The following DENND2C variants were observed in gnomAD, a reference collection of about 807,000 sequenced individuals.
DENND2C encodes DENN domain containing 2C.
Under a neutral mutation model 112.4 loss-of-function variants are expected in DENND2C, and 72 were observed. The observed-to-expected ratio is 0.64, with a 90% CI of 0.53 to 0.78. The LOEUF (loss-of-function observed/expected upper bound fraction) is 0.78, where lower values mean the gene tolerates loss of function less well. DENND2C is among the 30% of genes least tolerant of loss of function. The pLI is 0.00. For missense variants in DENND2C, 992 were observed against 1,113.8 expected (o/e 0.89, Z 1.56); for synonymous variants, 329 against 381.6 (o/e 0.86, Z 1.61).
chr1:114,597,218 C>T (rs952182283), intron 16 of DENND2C, among the ~76,000 whole-genome samples: 3 of 151,722 alleles, frequency 2.0e-5, no homozygotes, highest in Non-Finnish European at 4.4e-5. Flanking sequence ...CTGAGGCGGG[C>T]GGATCACCTG....
intron 12 of DENND2C, among the ~76,000 whole-genome samples, chr1:114,601,822 A>G (rs1484456981): frequency 6.6e-6 from 1 of 152,200 alleles, no homozygotes; most frequent in African/African-American, 2.4e-5. Flanking sequence ...TGAGTAACTC[A>G]GAGCTCCTTC....
rs374636363 is a variant in DENND2C at position 114,635,026 on chromosome 1, T to TAAAAAAAAAAAAAAAAAAA, written c.-204-8839_-204-8838insTTTTTTTTTTTTTTTTTTT. ...CTGAGTGATAGAGTGAGACTCCGTC[T>TAAAAAAAAAAAAAAAAAAA]AAAAAAAAAAAAAAAAAAGAAAAAA... On this transcript the variant is annotated intron_variant, in intron 3 of 20. Transcript: ENST00000393274. 2.1e-5 allele frequency among the ~76,000 whole-genome samples: 2 copies of TAAAAAAAAAAAAAAAAAAA among 94,716 alleles called. 1 individual carries two copies. Among genetic ancestry groups the TAAAAAAAAAAAAAAAAAAA allele is most frequent in the Non-Finnish European group, 3.9e-5 (2 of 50,652 alleles). The allele number at this position is 94,716 out of a possible 152,430, so 62.1% of individuals were successfully genotyped here. A position where few individuals can be genotyped will look rare whatever the true frequency, so the allele number is the denominator to read the frequency against.
chr1:114,606,595 T>G (rs1037549833), intron 10 of DENND2C, among the ~76,000 whole-genome samples: 3 of 152,198 alleles, frequency 2.0e-5, no homozygotes, highest in African/African-American at 7.2e-5. Context: ...GATAGCATAA[T>G]GCAAAATGAA....
chr1:114,625,308 G>A lies in DENND2C; in HGVS notation c.677C>T (p.Thr226Met), dbSNP rs143833683. ...TFRYLSESGV[T>M]PYKERNCDKK... is the part of the protein sequence containing the mutation. ...GTCACAGTTTCTTTCTTTATACGGC[G>A]TAACACCAGATTCGGATAAATATCT... is the stretch of plus-strand genomic sequence containing the variant. Residue 226 changes from threonine (T) to methionine (M), a missense_variant, in exon 4 of 21, where the codon ACG (threonine) becomes ATG (methionine). Thr to Met is a moderately conservative substitution (Grantham distance 81). Transcript: ENST00000393274. 1.4e-4 allele frequency: 220 copies of A among 1,613,968 alleles called. 1 individual carries two copies. The highest frequency in any genetic ancestry group is 1.7e-4 in the Non-Finnish European group (206 of 1,180,022).
At chr1:114,633,439 C>CAAAAAAAAAA (rs780884019) in intron 3 of DENND2C, among the ~76,000 whole-genome samples, 255 of 48,550 alleles carry the variant, frequency 5.3e-3, no homozygotes, top group African/African-American at 6.6e-3. Context: ...GACCCTATCT[C>CAAAAAAAAAA]AAAAAAAAAA....
At chr1:114,649,767 T>G (rs148688736) in intron 2 of DENND2C, among the ~76,000 whole-genome samples, 8 of 152,250 alleles carry the variant, frequency 5.3e-5, no homozygotes, top group African/African-American at 1.9e-4. Context: ...TACTAAAGTA[T>G]TCAAAGGTTG....
chr1:114,587,946 G>A lies in DENND2C; in HGVS notation c.2438C>T (p.Thr813Ile). 3 of 1,613,622 alleles carry A rather than the reference G, an allele frequency of 1.9e-6. No individual in the cohort carries two copies. In the South Asian group the frequency reaches 3.3e-5, roughly 18 times the overall value. The change falls in exon 19 of 21, where the codon ACA (threonine) becomes ATA (isoleucine). Residue 813 changes from threonine to isoleucine, a missense_variant. This residue lies in a region of DENND2C where 516 missense variants were observed against 623.6 expected (regional missense o/e 0.83). Transcript: ENST00000393274. ...TGCTTCGGACACCAGAGAGTTGAGTGTCACATCTGCTGCAACATGAAAAAG... is the reference window on the plus strand; with the variant it reads ...TGCTTCGGACACCAGAGAGTTGAGTATCACATCTGCTGCAACATGAAAAAG... ...TQEQNFSQDV[T>I]LNSLVSEAFV... is the part of the protein sequence containing the mutation.
chr1:114,608,812 G>C lies in DENND2C; in HGVS notation c.1431C>G (p.Thr477=), dbSNP rs760013964. ...PSSKRNPHYQ[T]LERDLIELQE... is the part of the protein sequence containing the mutation. ...GTAATTCAATAAGATCCCGCTCCAA[G>C]GTCTGGTAGTGAGGATTCCTCTTGG... is the stretch of plus-strand genomic sequence containing the variant. The change falls in exon 10 of 21, where the codon ACC becomes ACG. Residue 477 remains threonine (T), a synonymous_variant. Coordinates refer to ENST00000393274, the MANE Select transcript of DENND2C (RefSeq NM_001256404.2). 1.1e-5 allele frequency: 17 copies of C among 1,614,078 alleles called. No individual in the cohort carries two copies. The highest frequency in any genetic ancestry group is 1.4e-5 in the Non-Finnish European group (16 of 1,180,040).
intron 1 of DENND2C, among the ~76,000 whole-genome samples, chr1:114,657,494 C>T (rs938920314): frequency 6.6e-5 from 10 of 152,066 alleles, no homozygotes; most frequent in Non-Finnish European, 1.5e-4. Flanking sequence ...GGTAGAAGTA[C>T]TATCAATGTG....
At chr1:114,598,979 G>A (rs939249332) in intron 16 of DENND2C, among the ~76,000 whole-genome samples, 39 of 152,088 alleles carry the variant, frequency 2.6e-4, no homozygotes, top group Non-Finnish European at 3.8e-4. Context: ...CACCATGCCC[G>A]GCCTTGAAAT....
rs749618036 is a variant in DENND2C, at chr1:114,582,929, T to C, written c.*2671A>G. On this transcript the variant is annotated 3_prime_UTR_variant, in exon 21 of 21. Transcript: ENST00000393274. Reference sequence around the variant, plus strand: ...AAATCTTGATTCTTTTACAAAAATATCCAGAATTCCTAACACTTTACAGAA... The same window carrying C: ...AAATCTTGATTCTTTTACAAAAATACCCAGAATTCCTAACACTTTACAGAA... 12 of 152,210 alleles carry C rather than the reference T, an allele frequency of 7.9e-5. No homozygotes were observed. The highest frequency in any genetic ancestry group is 1.3e-4 in the Non-Finnish European group (9 of 68,038). The allele number at this position is 152,210 out of a possible 1,614,324, so 9.4% of individuals were successfully genotyped here.
rs777205807 is a variant in DENND2C at position 114,587,877 on chromosome 1, T to G, written c.2507A>C (p.Asn836Thr). ...CTCCCCACGCTCAGTGACAGTCATG[T>G]TCAAAGAATAATGTCCTACCAACTC... is the stretch of plus-strand genomic sequence containing the variant. Reference protein sequence around the residue: ...FVELVGHYSLNMTVTERGERV... With the variant: ...FVELVGHYSLTMTVTERGERV... The change falls in exon 19 of 21, where the codon AAC becomes ACC. Residue 836 changes from asparagine to threonine, a missense_variant. This residue lies in a region of DENND2C where 516 missense variants were observed against 623.6 expected (regional missense o/e 0.83). Coordinates refer to ENST00000393274, the MANE Select transcript of DENND2C (RefSeq NM_001256404.2). The G allele has an allele frequency of 4.3e-6, 7 of 1,614,066 alleles. No homozygotes were observed. Among genetic ancestry groups the G allele is most frequent in the Non-Finnish European group, 5.9e-6 (7 of 1,180,044 alleles).
At chr1:114,643,359 G>A (rs1464598275) in intron 3 of DENND2C, among the ~76,000 whole-genome samples, 1 of 152,142 alleles carries the variant, frequency 6.6e-6, no homozygotes, top group Non-Finnish European at 1.5e-5. Flanking sequence ...TTAATCGAAA[G>A]CCTCAATACA....
intron 17 of DENND2C, among the ~76,000 whole-genome samples, chr1:114,594,877 G>C (rs75153157): frequency 0.011 from 1,663 of 152,248 alleles, 23 homozygotes; most frequent in Middle Eastern, 0.054. Context: ...TTTCAAACAT[G>C]ATGAGCTAAT....
At chr1:114,608,948 C>G in intron 9 of DENND2C, 75 bp from the exon 10 acceptor site, 1 of 1,500,492 alleles carries the variant, frequency 6.7e-7, no homozygotes, top group South Asian at 1.2e-5. Flanking sequence ...GGTCATGACC[C>G]ACATAGGATT....
intron 12 of DENND2C, among the ~76,000 whole-genome samples, 161 bp downstream of exon 12, chr1:114,601,964 A>C (rs973319994): frequency 6.6e-5 from 10 of 152,142 alleles, no homozygotes; most frequent in Non-Finnish European, 7.4e-5. Context: ...TCCATGGTTA[A>C]CCCCCACCTT....
chr1:114,619,556 T>C (rs1027733061), intron 7 of DENND2C, among the ~76,000 whole-genome samples: 5 of 152,164 alleles, frequency 3.3e-5, no homozygotes, highest in Non-Finnish European at 7.3e-5. Context: ...AAGAAACATA[T>C]GCTTCCAAAA....
chr1:114,616,108 G>A (rs937794921), intron 8 of DENND2C, among the ~76,000 whole-genome samples: 45 of 151,648 alleles, frequency 3.0e-4, no homozygotes, highest in African/African-American at 1.1e-3. Context: ...AGAAAATTCT[G>A]GCCAGGTATG....
chr1:114,668,632 A>G (rs988645146), intron 1 of DENND2C, among the ~76,000 whole-genome samples: 1 of 151,936 alleles, frequency 6.6e-6, no homozygotes, highest in African/African-American at 2.4e-5. Context: ...CAGGCCTACA[A>G]GTATCCCCAG....
Sources: allele counts gnomAD v4.1 joint callset (sites outside exome capture counted in the v4.1 genomes callset), GRCh38; gene constraint gnomAD v4.1.1; regional missense constraint gnomAD v4.1.1; transcripts MANE v1.5; gene names NCBI Gene and HGNC (gene_info 2026-07-23, HGNC 2026-07-21).